ZWILCH: variants seen among roughly 807,000 people sequenced by gnomAD.
ZWILCH encodes protein zwilch homolog.
Under a neutral mutation model 79.9 loss-of-function variants are expected in ZWILCH, and 74 were observed. That is an observed-to-expected ratio of 0.93 (90% CI 0.77 to 1.12). The LOEUF is 1.12. Among genes scored for constraint, ZWILCH ranks in the 50% most tolerant of loss-of-function variants. ZWILCH has a pLI of 0.00. For synonymous variants in ZWILCH, 241 were observed against 228.2 expected, an observed-to-expected ratio of 1.06 and a Z score of -0.51; for missense variants, 694 against 687.5, an observed-to-expected ratio of 1.01 and a Z score of -0.11.
Position 66,532,283 on chromosome 15 carries a change from A to C in ZWILCH, c.1192A>C (p.Ile398Leu). The change falls in exon 13 of 19, where the codon ATT becomes CTT. Residue 398 changes from isoleucine to leucine, a missense_variant. Ile to Leu is a conservative substitution (Grantham distance 5). Transcript: ENST00000307897. ...AAGTAACAGTTTACTAAGTAAGCTCATTCATCAGTCTTATCATGGAACCAT... is the reference window on the plus strand; with the variant it reads ...AAGTAACAGTTTACTAAGTAAGCTCCTTCATCAGTCTTATCATGGAACCAT... Reference protein sequence around the residue: ...SGSNSLLSKLIHQSYHGTMDT... With the variant: ...SGSNSLLSKLLHQSYHGTMDT... The C allele has an allele frequency of 5.0e-6, 8 of 1,604,558 alleles. No homozygotes were observed. Among genetic ancestry groups the C allele is most frequent in the Non-Finnish European group, 6.8e-6 (8 of 1,176,122 alleles).
rs1478753646 is a variant in ZWILCH, at chr15:66,526,750, C to T, written c.820-540C>T. Among the ~76,000 whole-genome samples the T allele has an allele frequency of 4.6e-5, 7 of 152,186 alleles. No homozygotes were observed. In the South Asian group the frequency reaches 6.2e-4, roughly 14 times the overall value. On this transcript the variant is annotated intron_variant, in intron 8 of 18. Coordinates refer to ENST00000307897, the MANE Select transcript of ZWILCH (RefSeq NM_017975.5). ...GTGCTGGGATTACAGGTGTGAGCCA[C>T]GGCGCCCGGCACTTGACTGCTTTTT... is the stretch of plus-strand genomic sequence containing the variant.
intron 2 of ZWILCH, among the ~76,000 whole-genome samples, chr15:66,511,742 A>C (rs1042713859): frequency 4.0e-5 from 6 of 151,872 alleles, no homozygotes; most frequent in Admixed American, 1.3e-4. Flanking sequence ...CAGCCTCCCA[A>C]GTAGCTGGGA....
chr15:66,541,978 T>C (rs1895204619), intron 17 of ZWILCH, among the ~76,000 whole-genome samples: 1 of 152,226 alleles, frequency 6.6e-6, no homozygotes, highest in Non-Finnish European at 1.5e-5. Context: ...TCTGTTCATA[T>C]AGTTGAACTA....
rs778218941 is a variant in ZWILCH, at chr15:66,518,899, C to T, written c.341C>T (p.Thr114Ile). ...TAAAGGCAGTTAATTGGACTTTACA[C>T]CATGGCTCACAATCCTAATATGACC... Reference protein sequence around the residue: ...GKARQLIGLYTMAHNPNMTHL... With the variant: ...GKARQLIGLYIMAHNPNMTHL... The change falls in exon 5 of 19, where the codon ACC (threonine) becomes ATC (isoleucine). Residue 114 changes from threonine to isoleucine, a missense_variant. Physicochemically the swap from Thr to Ile is moderately conservative, Grantham distance 89 (BLOSUM62 -1). Transcript: ENST00000307897. 1.2e-5 allele frequency: 19 copies of T among 1,614,052 alleles called. No individual in the cohort carries two copies. The Admixed American group carries it at 1.5e-4, about 13-fold the overall frequency.
In ZWILCH at chr15:66,514,084, G is replaced by C. The variant is rs762948347; in HGVS notation, c.201+1G>C. 6.2e-7 allele frequency: 1 copy of C among 1,600,664 alleles called. No individual in the cohort carries two copies. The highest frequency in any genetic ancestry group is 8.5e-7 in the Non-Finnish European group (1 of 1,172,742). ...CATAGTATTCATAGTGGAAAAAGTG[G>C]TAAGTACTGGTTTGACTTTGTGGTT... On this transcript the variant is annotated splice_donor_variant, in intron 3 of 18. Coordinates refer to ENST00000307897, the MANE Select transcript of ZWILCH (RefSeq NM_017975.5). LOFTEE classifies it high-confidence loss of function.
At chr15:66,508,736 T>C in intron 1 of ZWILCH, 105 bp from the exon 2 acceptor site, 1 of 1,514,116 alleles carries the variant, frequency 6.6e-7, no homozygotes. Flanking sequence ...GCTTTTTGCC[T>C]TTCCTATAGG....
At position 66,527,353 on chromosome 15, in the gene ZWILCH, G is replaced by C. The variant is rs780660190; in HGVS notation, c.883G>C (p.Ala295Pro). ...GCTCGAGCCCCTGGAAGCAAAATCTGCTGTTGAACTTGTTCAGGAATTTCT... is the reference window on the plus strand; with the variant it reads ...GCTCGAGCCCCTGGAAGCAAAATCTCCTGTTGAACTTGTTCAGGAATTTCT... The part of the protein sequence containing the change: ...EWLEPLEAKS[A>P]VELVQEFLND... Residue 295 changes from alanine to proline, a missense_variant, in exon 9 of 19, where the codon GCT becomes CCT. Ala to Pro is a conservative substitution (Grantham distance 27). Transcript: ENST00000307897. 6.2e-7 allele frequency: 1 copy of C among 1,614,020 alleles called. No homozygotes were observed. Among genetic ancestry groups the C allele is most frequent in the South Asian group, 1.1e-5 (1 of 91,082 alleles).
At chr15:66,533,962 C>A (rs1595918663) in intron 14 of ZWILCH, among the ~76,000 whole-genome samples, 1 of 152,154 alleles carries the variant, frequency 6.6e-6, no homozygotes, top group Non-Finnish European at 1.5e-5. Flanking sequence ...AAAAATTAGC[C>A]AGGCATGGTT....
Position 66,532,355 on chromosome 15 carries a change from G to C in ZWILCH, c.1264G>C (p.Glu422Gln). Residue 422 changes from glutamate to glutamine, a missense_variant, in exon 13 of 19, where the codon GAA becomes CAA. Transcript: ENST00000307897. ...SGTIPVQMLL[E>Q]IGLDKLKKDY... is the part of the protein sequence containing the mutation. Reference sequence around the variant, plus strand: ...GACTATTCCAGTTCAAATGCTTTTGGAAATTGGTTTGGACAAACTAAAGAA... The same window carrying C: ...GACTATTCCAGTTCAAATGCTTTTGCAAATTGGTTTGGACAAACTAAAGAA... The C allele has an allele frequency of 6.2e-7, 1 of 1,611,300 alleles. No homozygotes were observed. Among genetic ancestry groups the C allele is most frequent in the Non-Finnish European group, 8.5e-7 (1 of 1,178,796 alleles).
Position 66,548,605 on chromosome 15 carries a change from T to G in ZWILCH, c.*281T>G. 6.5e-7 allele frequency: 1 copy of G among 1,538,360 alleles called. No individual in the cohort carries two copies. Among genetic ancestry groups the G allele is most frequent in the Non-Finnish European group, 9.0e-7 (1 of 1,111,466 alleles). ...CATTTGCATGTGACTTAGCAAGGGC[T>G]CTGAAATGACAAAGAGAACGAGCAC... On this transcript the variant is annotated 3_prime_UTR_variant, in exon 19 of 19. Coordinates refer to ENST00000307897, the MANE Select transcript of ZWILCH (RefSeq NM_017975.5).
At chr15:66,524,088 G>A (rs1235097128) in intron 8 of ZWILCH, among the ~76,000 whole-genome samples, 1 of 151,996 alleles carries the variant, frequency 6.6e-6, no homozygotes, top group African/African-American at 2.4e-5. Flanking sequence ...TGGCTATTAT[G>A]AATAATGCCT....
chr15:66,539,898 A>AT (rs1400006978), intron 16 of ZWILCH, among the ~76,000 whole-genome samples, 200 bp from the exon 17 acceptor site: 10 of 150,296 alleles, frequency 6.7e-5, no homozygotes, highest in East Asian at 1.9e-4. Flanking sequence ...CTGTTGTAGC[A>AT]TTTTTTTTTC....
chr15:66,515,107 A>ATT (rs566687064), intron 3 of ZWILCH, among the ~76,000 whole-genome samples: 37 of 147,448 alleles, frequency 2.5e-4, no homozygotes, highest in African/African-American at 8.5e-4. Flanking sequence ...ACCCTGGCTG[A>ATT]TTTTTTTTTT....
At position 66,514,096 on chromosome 15, in the gene ZWILCH, T is replaced by C. The variant is rs751378849; in HGVS notation, c.201+13T>C. ...AGTGGAAAAAGTGGTAAGTACTGGT[T>C]TGACTTTGTGGTTGTTTAATTCTCC... is the stretch of plus-strand genomic sequence containing the variant. On this transcript the variant is annotated intron_variant, in intron 3 of 18. Coordinates refer to ENST00000307897, the MANE Select transcript of ZWILCH (RefSeq NM_017975.5). The C allele has an allele frequency of 8.9e-6, 14 of 1,579,092 alleles. No homozygotes were observed. Among genetic ancestry groups the C allele is most frequent in the African/African-American group, 1.4e-5 (1 of 73,566 alleles).
chr15:66,523,544 T>G, intron 7 of ZWILCH, 133 bp from the exon 8 acceptor site: 1 of 619,630 alleles, frequency 1.6e-6, no homozygotes, highest in Non-Finnish European at 2.9e-6. Flanking sequence ...GTTGACCTCA[T>G]TTTTCAATTC....
intron 18 of ZWILCH, chr15:66,547,787 T>G (rs926071807): frequency 4.6e-5 from 7 of 152,122 alleles, no homozygotes; most frequent in Non-Finnish European, 7.3e-5. Context: ...TCTATAGATT[T>G]CTTTTCTTTT....
intron 8 of ZWILCH, among the ~76,000 whole-genome samples, chr15:66,525,878 C>T (rs758800525): frequency 3.3e-5 from 5 of 149,506 alleles, no homozygotes; most frequent in Non-Finnish European, 4.4e-5. Flanking sequence ...TTACCTGCCT[C>T]AGCCTCCCCA....
chr15:66,535,864 A>G, intron 14 of ZWILCH, 69 bp from the exon 15 acceptor site: 2 of 1,383,784 alleles, frequency 1.4e-6, no homozygotes, highest in Non-Finnish European at 1.9e-6. Flanking sequence ...TAGAAGGCAT[A>G]CCTATATTCT....
Position 66,528,854 on chromosome 15 carries a change from C to T in ZWILCH, c.972C>T (p.Thr324=). ...TCTGAAGGTTGCTTCTTTTTCAGAC[C>T]TTGAAGCATGACACTGCTGCAGTCG... ...DSTKKDTEVE[T]LKHDTAAVDR... Residue 324 remains threonine, a splice_region_variant and synonymous_variant, in exon 11 of 19, where the codon ACC becomes ACT. Coordinates refer to ENST00000307897, the MANE Select transcript of ZWILCH (RefSeq NM_017975.5). 6.2e-7 allele frequency: 1 copy of T among 1,613,278 alleles called. No homozygotes were observed. Among genetic ancestry groups the T allele is most frequent in the Non-Finnish European group, 8.5e-7 (1 of 1,179,530 alleles).
Sources: allele counts gnomAD v4.1 joint callset (sites outside exome capture counted in the v4.1 genomes callset), GRCh38; gene constraint gnomAD v4.1.1; transcripts MANE v1.5; gene names NCBI Gene and HGNC (gene_info 2026-07-23, HGNC 2026-07-21).